Variants in PTK2 observed in about 807,000 individuals in gnomAD.
PTK2 encodes focal adhesion kinase 1.
PTK2 carries 45 observed loss-of-function variants against 150.1 expected under a neutral mutation model. That is an observed-to-expected ratio of 0.30 (90% CI 0.24 to 0.38). The LOEUF is 0.38. Ranked by LOEUF, PTK2 falls within the 10% of genes least tolerant of loss-of-function variation. PTK2 has a pLI of 1.00. For synonymous variants in PTK2, 432 were observed against 449.2 expected (o/e 0.96, Z 0.48); for missense variants, 919 against 1,307.3 (o/e 0.70, Z 4.58).
intron 22 of PTK2, chr8:140,732,577 C>T: frequency 1.9e-6 from 1 of 530,602 alleles, no homozygotes; most frequent in Non-Finnish European, 3.9e-6. Flanking sequence ...GTGAGTATGA[C>T]CATCCCTGTC....
intron 8 of PTK2, among the ~76,000 whole-genome samples, chr8:140,819,881 T>C (rs932923240): frequency 6.6e-6 from 1 of 151,970 alleles, no homozygotes; most frequent in African/African-American, 2.4e-5. Context: ...CAGAGGTAAA[T>C]GCTTTCCAAG....
intron 2 of PTK2, among the ~76,000 whole-genome samples, chr8:140,904,754 C>T (rs1020157086): frequency 1.3e-5 from 2 of 152,076 alleles, no homozygotes; most frequent in Non-Finnish European, 2.9e-5. Flanking sequence ...GGAATGTATC[C>T]ATTTCTTCTA....
At chr8:140,810,818 T>G (rs1167660396) in intron 10 of PTK2, among the ~76,000 whole-genome samples, 1 of 152,130 alleles carries the variant, frequency 6.6e-6, no homozygotes, top group Non-Finnish European at 1.5e-5. Context: ...GCACAGAGAA[T>G]AGCAGATTCT....
At chr8:140,733,819 G>A (rs190780356) in intron 22 of PTK2, among the ~76,000 whole-genome samples, 190 of 152,276 alleles carry the variant, frequency 1.2e-3, no homozygotes, top group Non-Finnish European at 1.1e-3. Flanking sequence ...GAACCAGGCC[G>A]GTGTGTGAGA....
chr8:140,882,137 A>C (rs547199666), intron 3 of PTK2, among the ~76,000 whole-genome samples: 2 of 152,282 alleles, frequency 1.3e-5, no homozygotes, highest in South Asian at 2.1e-4. Context: ...CACCCTTATA[A>C]ATTTCTCTGG....
intron 12 of PTK2, among the ~76,000 whole-genome samples, chr8:140,793,979 C>A (rs2100090099): frequency 6.6e-6 from 1 of 152,166 alleles, no homozygotes; most frequent in East Asian, 1.9e-4. Context: ...CTCATGCCGG[C>A]CTGACCACAG....
At chr8:140,835,812 G>C (rs2100118363) in intron 7 of PTK2, among the ~76,000 whole-genome samples, 1 of 152,164 alleles carries the variant, frequency 6.6e-6, no homozygotes, top group Non-Finnish European at 1.5e-5. Context: ...CCACTATATG[G>C]AGTGTGCATG....
At chr8:140,982,555 C>A (rs1365890832) in intron 1 of PTK2, among the ~76,000 whole-genome samples, 2 of 152,128 alleles carry the variant, frequency 1.3e-5, no homozygotes, top group East Asian at 3.9e-4. Flanking sequence ...CGAGATAGCA[C>A]CACTGTACTC....
rs181760888 is a variant in PTK2, at chr8:140,980,494, C to T, written c.-122+20631G>A. ...AAAATTAGCCGGGCATGGTGGTGGG[C>T]GCCTGTAGTCCCAGCTACTCAGGAG... On this transcript the variant is annotated intron_variant, in intron 1 of 31. Transcript: ENST00000522684. Among the ~76,000 whole-genome samples, 991 of 151,868 alleles carry T rather than the reference C, an allele frequency of 6.5e-3. 7 individuals are homozygous for T. The highest frequency in any genetic ancestry group is 0.065 in the Middle Eastern group (19 of 294).
At chr8:140,937,780 T>C (rs1207065836) in intron 1 of PTK2, among the ~76,000 whole-genome samples, 2 of 152,156 alleles carry the variant, frequency 1.3e-5, no homozygotes, top group African/African-American at 2.4e-5. Flanking sequence ...ATGTAATCTT[T>C]CCATATAGAA....
At chr8:140,957,857 G>A (rs982280355) in intron 1 of PTK2, among the ~76,000 whole-genome samples, 3 of 152,066 alleles carry the variant, frequency 2.0e-5, no homozygotes, top group Admixed American at 1.3e-4. Flanking sequence ...AATTTGCTGA[G>A]TACACTCTAT....
At chr8:140,865,257 T>A (rs10093399) in intron 4 of PTK2, among the ~76,000 whole-genome samples, 3,444 of 152,304 alleles carry the variant, frequency 0.023, 135 homozygotes, top group African/African-American at 0.079. Context: ...AGAGAGAGGG[T>A]CTCACTATGC....
intron 14 of PTK2, among the ~76,000 whole-genome samples, chr8:140,775,698 C>T (rs903498754): frequency 6.6e-6 from 1 of 152,026 alleles, no homozygotes; most frequent in Non-Finnish European, 1.5e-5. Context: ...TATTTAAATA[C>T]TAGGCCCTGA....
rs1280695851 is a variant in PTK2 at position 140,756,117 on chromosome 8, G to A, written c.1333-3801C>T. ...GGGCAGGTGGGTCCCTGGAGGTCAGGAGTTTAGACCAGCCTAGCAACATGG... is the reference window on the plus strand; with the variant it reads ...GGGCAGGTGGGTCCCTGGAGGTCAGAAGTTTAGACCAGCCTAGCAACATGG... On this transcript the variant is annotated intron_variant, in intron 16 of 31. Transcript: ENST00000522684. 7.2e-5 allele frequency among the ~76,000 whole-genome samples: 11 copies of A among 152,078 alleles called. 1 individual carries two copies. In the South Asian group the frequency reaches 1.7e-3, roughly 23 times the overall value.
chr8:140,717,138 G>A (rs938574573), intron 23 of PTK2, among the ~76,000 whole-genome samples: 2 of 152,210 alleles, frequency 1.3e-5, no homozygotes, highest in African/African-American at 2.4e-5. Context: ...CACCAGCTAC[G>A]AAAGAAAAAG....
intron 5 of PTK2, among the ~76,000 whole-genome samples, chr8:140,849,033 AAG>A (rs897319547): frequency 2.3e-4 from 35 of 152,208 alleles, no homozygotes; most frequent in Non-Finnish European, 4.3e-4. Context: ...AAAAATGAAA[AAG>A]GGGGAAATTA....
At chr8:140,880,175 T>C (rs2100148392) in intron 3 of PTK2, among the ~76,000 whole-genome samples, 1 of 152,252 alleles carries the variant, frequency 6.6e-6, no homozygotes, top group African/African-American at 2.4e-5. Context: ...GAAAAGTTCT[T>C]TGAATTCGGG....
At chr8:140,872,790 C>T (rs1356710927) in intron 4 of PTK2, among the ~76,000 whole-genome samples, 2 of 152,204 alleles carry the variant, frequency 1.3e-5, no homozygotes, top group African/African-American at 2.4e-5. Flanking sequence ...TAGGTTTTTT[C>T]ACTTTTTACT....
intron 11 of PTK2, among the ~76,000 whole-genome samples, chr8:140,800,871 G>A (rs941005449): frequency 1.3e-5 from 2 of 152,006 alleles, no homozygotes. Context: ...GGCCCCTCTG[G>A]CATACTCCAG....
Sources: allele counts gnomAD v4.1 joint callset (sites outside exome capture counted in the v4.1 genomes callset), GRCh38; gene constraint gnomAD v4.1.1; transcripts MANE v1.5; gene names NCBI Gene and HGNC (gene_info 2026-07-23, HGNC 2026-07-21).